The following ELK3 variants were observed in gnomAD, a reference collection of about 807,000 sequenced individuals.
ELK3 encodes the protein ETS transcription factor ELK3.
Under a neutral mutation model 28.9 loss-of-function variants are expected in ELK3, and 10 were observed. That is an observed-to-expected ratio of 0.35 (90% confidence interval 0.21 to 0.59). The LOEUF is 0.59. Among genes scored for constraint, ELK3 ranks in the 20% least tolerant of loss-of-function variants. The pLI, the probability that ELK3 is intolerant of heterozygous loss-of-function variation, is 0.82. For synonymous variants in ELK3, 272 were observed against 243.5 expected (o/e 1.12, Z -1.09); for missense variants, 463 against 517.3 (o/e 0.90, Z 1.02).
At chr12:96,216,908 T>G (rs1951623085) in intron 1 of ELK3, among the ~76,000 whole-genome samples, 1 of 152,222 alleles carries the variant, frequency 6.6e-6, no homozygotes, top group Non-Finnish European at 1.5e-5. Flanking sequence ...GAATCTGCGC[T>G]TACCTTCCAA....
intron 2 of ELK3, among the ~76,000 whole-genome samples, chr12:96,233,630 C>T (rs1009684928): frequency 2.6e-5 from 4 of 152,214 alleles, no homozygotes; most frequent in Admixed American, 2.6e-4. Flanking sequence ...TAATACATAT[C>T]TGAGATCAAC....
chr12:96,242,555 A>C (rs550240756), intron 2 of ELK3, among the ~76,000 whole-genome samples: 40 of 152,306 alleles, frequency 2.6e-4, no homozygotes, highest in Non-Finnish European at 4.0e-4. Context: ...TCAAACATAC[A>C]TGGCGCTGCT....
chr12:96,248,053 G>A (rs189700268), intron 3 of ELK3, among the ~76,000 whole-genome samples: 59 of 149,836 alleles, frequency 3.9e-4, no homozygotes, highest in Non-Finnish European at 6.6e-4. Context: ...AAAGTTGAGC[G>A]GGCCAGTTTA....
intron 1 of ELK3, among the ~76,000 whole-genome samples, chr12:96,213,300 T>A (rs781301679): frequency 1.3e-5 from 2 of 152,160 alleles, no homozygotes; most frequent in South Asian, 4.1e-4. Flanking sequence ...CACCTCTTCT[T>A]CTCTAAGCCC....
At chr12:96,207,119 C>T (rs1233554646) in intron 1 of ELK3, among the ~76,000 whole-genome samples, 1 of 152,192 alleles carries the variant, frequency 6.6e-6, no homozygotes, top group Non-Finnish European at 1.5e-5. Flanking sequence ...AGTTGTTTGT[C>T]TACAAGTCGG....
chr12:96,245,046 G>A (rs1179958222), intron 2 of ELK3, among the ~76,000 whole-genome samples: 1 of 152,174 alleles, frequency 6.6e-6, no homozygotes, highest in Non-Finnish European at 1.5e-5. Context: ...CACTGGAACT[G>A]TTGTTTGGCC....
In ELK3 at chr12:96,194,422, C is replaced by G. The variant is rs1280228645; in HGVS notation, c.-286C>G. 1 of 148,360 alleles carries G rather than the reference C, an allele frequency of 6.7e-6. No homozygotes were observed. Among genetic ancestry groups the G allele is most frequent in the Non-Finnish European group, 1.5e-5 (1 of 66,986 alleles). 9.2% of individuals were successfully genotyped at this position (148,360 alleles called of 1,614,324 possible). On this transcript the variant is annotated 5_prime_UTR_variant, in exon 1 of 5. Transcript: ENST00000228741. ...GGCGCACAGCCGCGGCCGGGGCGCG[C>G]GGCGCGGGGCGGAAAAGCCTGTTTA... is the stretch of plus-strand genomic sequence containing the variant.
intron 1 of ELK3, 31 bp from the exon 2 acceptor site, chr12:96,223,534 G>A: frequency 1.2e-6 from 2 of 1,610,900 alleles, no homozygotes; most frequent in Non-Finnish European, 1.7e-6. Flanking sequence ...ATCGTGACCA[G>A]CAGCTCTGAC....
chr12:96,253,625 T>C (rs770623758), intron 3 of ELK3, among the ~76,000 whole-genome samples: 4 of 152,244 alleles, frequency 2.6e-5, no homozygotes, highest in African/African-American at 4.8e-5. Context: ...ATGGATTCTG[T>C]TGGCATCTGT....
At chr12:96,261,369 A>G (rs1951991417) in intron 4 of ELK3, among the ~76,000 whole-genome samples, 1 of 152,338 alleles carries the variant, frequency 6.6e-6, no homozygotes, top group African/African-American at 2.4e-5. Context: ...TTGGGTAGGA[A>G]AAGAGAAACT....
intron 4 of ELK3, among the ~76,000 whole-genome samples, chr12:96,260,672 G>A (rs993948296): frequency 8.5e-5 from 13 of 152,136 alleles, no homozygotes; most frequent in Non-Finnish European, 1.5e-4. Flanking sequence ...CACTGATTAA[G>A]GTGTTACTGT....
intron 2 of ELK3, among the ~76,000 whole-genome samples, chr12:96,239,887 C>T (rs184255861): frequency 2.6e-5 from 4 of 152,356 alleles, no homozygotes; most frequent in East Asian, 1.9e-4. Flanking sequence ...AGTGTCTGCA[C>T]CACCTTTCGG....
intron 1 of ELK3, among the ~76,000 whole-genome samples, chr12:96,195,964 G>C (rs1951463066): frequency 2.0e-5 from 3 of 151,952 alleles, no homozygotes; most frequent in African/African-American, 7.2e-5. Context: ...GCCTGGGGGT[G>C]GCGGGGAAAG....
At chr12:96,241,542 T>TGAAATG (rs1951821617) in intron 2 of ELK3, among the ~76,000 whole-genome samples, 2 of 151,910 alleles carry the variant, frequency 1.3e-5, no homozygotes, top group Non-Finnish European at 2.9e-5. Flanking sequence ...CAGACAGCAC[T>TGAAATG]GAAATGGAAA....
chr12:96,259,982 A>C, intron 4 of ELK3, 129 bp downstream of exon 4: 1 of 1,278,360 alleles, frequency 7.8e-7, no homozygotes, highest in Non-Finnish European at 1.0e-6. Context: ...GAGGGGGTTC[A>C]TGTTAGTGGG....
chr12:96,258,304 T>TAGTTACTA (rs1951967133), intron 3 of ELK3, among the ~76,000 whole-genome samples: 1 of 152,218 alleles, frequency 6.6e-6, no homozygotes, highest in Non-Finnish European at 1.5e-5. Flanking sequence ...ACCTCATAGG[T>TAGTTACTA]CATTCAGTAT....
chr12:96,236,925 C>T (rs1951789045), intron 2 of ELK3, among the ~76,000 whole-genome samples: 1 of 152,208 alleles, frequency 6.6e-6, no homozygotes, highest in African/African-American at 2.4e-5. Flanking sequence ...CCTTCCTCTT[C>T]TGGCTTCTTG....
At position 96,246,816 on chromosome 12, in the gene ELK3, T is replaced by C. The variant is rs1951859257; in HGVS notation, c.208-124T>C. 3.0e-6 allele frequency: 3 copies of C among 1,000,964 alleles called. No homozygotes were observed. The South Asian group carries it at 5.1e-5, about 17-fold the overall frequency. 62.0% of individuals were successfully genotyped at this position (1,000,964 alleles called of 1,614,324 possible). A position where few individuals can be genotyped will look rare whatever the true frequency, so the allele number is the denominator to read the frequency against. ...ACTTCATTCCTCCTTCCACTTTTCCTTAGCCAAGAATGTAAATCAGGAACA... is the reference window on the plus strand; with the variant it reads ...ACTTCATTCCTCCTTCCACTTTTCCCTAGCCAAGAATGTAAATCAGGAACA... On this transcript the variant is annotated intron_variant, in intron 2 of 4. Transcript: ENST00000228741.
At chr12:96,266,159 T>C (rs377399165) in intron 4 of ELK3, among the ~76,000 whole-genome samples, 94 of 152,370 alleles carry the variant, frequency 6.2e-4, no homozygotes, top group African/African-American at 2.2e-3. Context: ...CACAAGTTAC[T>C]GAAATTGTTT....
Sources: allele counts gnomAD v4.1 joint callset (sites outside exome capture counted in the v4.1 genomes callset), GRCh38; gene constraint gnomAD v4.1.1; transcripts MANE v1.5; gene names NCBI Gene and HGNC (gene_info 2026-07-23, HGNC 2026-07-21).